The following VCPKMT variants were observed in gnomAD, a reference collection of about 807,000 sequenced individuals.
The protein encoded by VCPKMT is protein N-lysine methyltransferase METTL21D.
In VCPKMT, 32 loss-of-function variants were observed where a neutral mutation model predicts 28.6. That is an observed-to-expected ratio of 1.12 (90% confidence interval 0.84 to 1.50). The LOEUF (loss-of-function observed/expected upper bound fraction) is 1.50, where lower values mean the gene tolerates loss of function less well. Ranked by LOEUF, VCPKMT falls within the 40% of genes most tolerant of loss-of-function variation. VCPKMT has a pLI of 0.00. For missense variants in VCPKMT, 366 were observed against 285.0 expected, an observed-to-expected ratio of 1.28 and a Z score of -2.05; for synonymous variants, 138 against 111.4, an observed-to-expected ratio of 1.24 and a Z score of -1.50.
chr14:50,108,920 TATAC>T lies in VCPKMT; in HGVS notation c.*775_*778del, dbSNP rs1301170894. 1.0e-6 allele frequency: 1 copy of T among 985,466 alleles called. No homozygotes were observed. Among genetic ancestry groups the T allele is most frequent in the Non-Finnish European group, 1.2e-6 (1 of 829,932 alleles). 61.0% of individuals were successfully genotyped at this position (985,466 alleles called of 1,614,324 possible). A position where few individuals can be genotyped will look rare whatever the true frequency, so the allele number is the denominator to read the frequency against. The stretch of plus-strand genomic sequence containing the variant: ...TTTTAAGCCAGATTTTCCTGGAACA[TATAC>T]ATAAAGTGCATGAGCCACGTAAGTG... On this transcript the variant is annotated 3_prime_UTR_variant, in exon 6 of 6. Transcript: ENST00000395860.
rs1243450566 is a variant in VCPKMT, at chr14:50,112,737, A to G, written c.571-18T>C. The G allele has an allele frequency of 1.3e-6, 2 of 1,503,224 alleles. No individual in the cohort carries two copies. The highest frequency in any genetic ancestry group is 2.8e-5 in the African/African-American group (2 of 71,360). The allele number at this position is 1,503,224 out of a possible 1,614,324, so 93.1% of individuals were successfully genotyped here. On this transcript the variant is annotated intron_variant, in intron 4 of 5. Transcript: ENST00000395860. The stretch of plus-strand genomic sequence containing the variant: ...TGAAGGAGCTATAAATTTAAAAGAG[A>G]CATACTTCAAATTCAATAATATGAA...
At position 50,109,703 on chromosome 14, in the gene VCPKMT, G is replaced by A. The variant is rs757113813; in HGVS notation, c.686C>T (p.Ser229Leu). ...TGGGTAAGATGATTAAAGGCTTCACGATGGAAATTTCTATAACAAAAAAAA... is the reference window on the plus strand; with the variant it reads ...TGGGTAAGATGATTAAAGGCTTCACAATGGAAATTTCTATAACAAAAAAAA... ...YIRKKKSKFPS is the reference protein window; with the variant it reads ...YIRKKKSKFPL The change falls in exon 6 of 6, where the codon TCG becomes TTG. Residue 229 changes from serine to leucine, a missense_variant. Physicochemically the swap from Ser to Leu is moderately radical, Grantham distance 145. Transcript: ENST00000395860. 4 of 1,601,522 alleles carry A rather than the reference G, an allele frequency of 2.5e-6. No individual in the cohort carries two copies. The highest frequency in any genetic ancestry group is 4.5e-5 in the East Asian group (2 of 44,746).
chr14:50,115,726 A>C, intron 3 of VCPKMT, 113 bp downstream of exon 3: 1 of 1,272,558 alleles, frequency 7.9e-7, no homozygotes, highest in Non-Finnish European at 1.1e-6. Context: ...TGCATCAACT[A>C]TAAGGCAAAT....
Position 50,114,198 on chromosome 14 carries a change from C to G in VCPKMT, c.570+87G>C, listed in dbSNP as rs1258765386. ...ACACAAACAGCATGTTTTCCCCACC[C>G]AAAATTACCATAATATACTTGAAGA... On this transcript the variant is annotated intron_variant, in intron 4 of 5. Coordinates refer to ENST00000395860, the MANE Select transcript of VCPKMT (RefSeq NM_024558.3). 3 of 1,290,928 alleles carry G rather than the reference C, an allele frequency of 2.3e-6. No individual in the cohort carries two copies. In the Admixed American group the frequency reaches 9.2e-5, roughly 39 times the overall value. 80.0% of individuals were successfully genotyped at this position (1,290,928 alleles called of 1,614,324 possible).
chr14:50,105,631 G>A (rs375708428), downstream of VCPKMT, among the ~76,000 whole-genome samples: 9 of 152,006 alleles, frequency 5.9e-5, no homozygotes, highest in African/African-American at 9.7e-5. Flanking sequence ...AGTCCGTCTC[G>A]AAACAAAACA....
At position 50,108,690 on chromosome 14, in the gene VCPKMT, C is replaced by T. The variant is rs76988825; in HGVS notation, c.*1009G>A. The T allele has an allele frequency of 0.17, 169,496 of 985,600 alleles. 15,234 individuals carry two copies. The highest frequency in any genetic ancestry group is 0.47 in the East Asian group (4,113 of 8,790). 61.1% of individuals were successfully genotyped at this position (985,600 alleles called of 1,614,324 possible). ...TAAAATGTACCATCTAGCACCAATG[C>T]CTATAAATACCAGAATTCCATCCGG... On this transcript the variant is annotated 3_prime_UTR_variant, in exon 6 of 6. Coordinates refer to ENST00000395860, the MANE Select transcript of VCPKMT (RefSeq NM_024558.3).
chr14:50,114,932 G>C (rs1882998038), intron 3 of VCPKMT, among the ~76,000 whole-genome samples: 1 of 152,042 alleles, frequency 6.6e-6, no homozygotes, highest in Non-Finnish European at 1.5e-5. Flanking sequence ...TACTGATTTT[G>C]GTTTCCAGAA....
intron 5 of VCPKMT, chr14:50,111,599 C>T (rs1015945446): frequency 1.0e-6 from 1 of 985,254 alleles, no homozygotes; most frequent in Non-Finnish European, 1.2e-6. Context: ...GATGAAAGGC[C>T]AGGCGCAGCA....
At chr14:50,108,497 G>T, downstream of VCPKMT, 1 of 661,802 alleles carries the variant, frequency 1.5e-6, no homozygotes, top group Non-Finnish European at 1.9e-6. Flanking sequence ...AAACTTTTAA[G>T]ACTGAAATAA....
chr14:50,112,883 G>T (rs1444985050), intron 4 of VCPKMT, among the ~76,000 whole-genome samples, 164 bp from the exon 5 acceptor site: 1 of 152,110 alleles, frequency 6.6e-6, no homozygotes, highest in Non-Finnish European at 1.5e-5. Flanking sequence ...ACCTCCCTGG[G>T]TTCAAGTGAT....
intron 3 of VCPKMT, among the ~76,000 whole-genome samples, chr14:50,115,153 T>G (rs887306017): frequency 2.0e-4 from 23 of 117,836 alleles, no homozygotes; most frequent in Non-Finnish European, 3.7e-4. Flanking sequence ...ATGTTTTTTT[T>G]TTTTTTTTTT....
At chr14:50,107,616 C>A (rs1882376314), downstream of VCPKMT, among the ~76,000 whole-genome samples, 1 of 152,166 alleles carries the variant, frequency 6.6e-6, no homozygotes. Context: ...CTTTGAATTA[C>A]AAATTTCCTC....
At chr14:50,108,466 C>CG (rs558759846), downstream of VCPKMT, among the ~76,000 whole-genome samples, 262 of 151,892 alleles carry the variant, frequency 1.7e-3, 1 homozygote, top group African/African-American at 6.0e-3. Context: ...AGTATCTTGG[C>CG]GGGGGGGAAA....
downstream of VCPKMT, among the ~76,000 whole-genome samples, chr14:50,105,690 C>T (rs1882295811): frequency 6.6e-6 from 1 of 152,070 alleles, no homozygotes; most frequent in South Asian, 2.1e-4. Context: ...ACATATGATC[C>T]ATGGACCCTT....
downstream of VCPKMT, among the ~76,000 whole-genome samples, chr14:50,106,005 G>C (rs1384249106): frequency 6.6e-6 from 1 of 152,106 alleles, no homozygotes; most frequent in Admixed American, 6.5e-5. Context: ...TATGTACTAG[G>C]GGCCCACTCT....
At position 50,116,119 on chromosome 14, in the gene VCPKMT, A is replaced by T. The variant is rs201325606; in HGVS notation, c.327T>A (p.Asn109Lys). The T allele has an allele frequency of 6.2e-7, 1 of 1,614,082 alleles. No homozygotes were observed. The highest frequency in any genetic ancestry group is 8.5e-7 in the Non-Finnish European group (1 of 1,180,020). ...AACCAGTGACAAGATGCTTGTTCAT[A>T]TTAATATTCATCTTCAGCAAGTCTT... ...ELQDLLKMNI[N>K]MNKHLVTGSV... is the part of the protein sequence containing the mutation. Residue 109 changes from asparagine to lysine, a missense_variant, in exon 2 of 6, where the codon AAT (asparagine) becomes AAA (lysine). Physicochemically the swap from Asn to Lys is moderately conservative, Grantham distance 94. Coordinates refer to ENST00000395860, the MANE Select transcript of VCPKMT (RefSeq NM_024558.3).
chr14:50,111,062 A>C (rs991314246), intron 5 of VCPKMT: 1 of 596,096 alleles, frequency 1.7e-6, no homozygotes, highest in African/African-American at 2.0e-5. Flanking sequence ...AAAATTAGAA[A>C]GTGGTAATTT....
At chr14:50,114,261 GA>G (rs1306286743) in intron 4 of VCPKMT, 23 bp downstream of exon 4, 3 of 1,529,566 alleles carry the variant, frequency 2.0e-6, no homozygotes, top group Non-Finnish European at 2.6e-6. Flanking sequence ...TCACTACAAA[GA>G]TAATAGAGTA....
At position 50,116,148 on chromosome 14, in the gene VCPKMT, A is replaced by C; in HGVS notation, c.298T>G (p.Leu100Val). 2 of 1,614,132 alleles carry C rather than the reference A, an allele frequency of 1.2e-6. No homozygotes were observed. Among genetic ancestry groups the C allele is most frequent in the East Asian group, 4.5e-5 (2 of 44,886 alleles). Residue 100 changes from leucine to valine, a missense_variant, in exon 2 of 6, where the codon TTG (leucine) becomes GTG (valine). Coordinates refer to ENST00000395860, the MANE Select transcript of VCPKMT (RefSeq NM_024558.3). ...ATATTCATCTTCAGCAAGTCTTGCAATTCCTCAAGATCGGTGACTACAACA... is the reference window on the plus strand; with the variant it reads ...ATATTCATCTTCAGCAAGTCTTGCACTTCCTCAAGATCGGTGACTACAACA... ...ADVVVTDLEE[L>V]QDLLKMNINM...
Sources: gnomAD v4.1 joint callset for allele counts (sites outside exome capture counted in the v4.1 genomes callset) on GRCh38, gnomAD v4.1.1 for gene constraint, MANE v1.5 for transcripts, NCBI Gene and HGNC (gene_info 2026-07-23, HGNC 2026-07-21) for gene names.